Variants in P2RY6 observed in about 807,000 individuals in gnomAD.
P2RY6 encodes the protein P2Y purinoceptor 6.
P2RY6 carries 19 observed loss-of-function variants against 16.3 expected under a neutral mutation model. That is an observed-to-expected ratio of 1.16 (90% CI 0.81 to 1.71). The LOEUF (loss-of-function observed/expected upper bound fraction) is 1.71. Among genes scored for constraint, P2RY6 ranks in the 40% most tolerant of loss-of-function variants. The pLI is 0.00. For missense variants in P2RY6, 389 were observed against 455.5 expected (o/e 0.85, Z 1.33); for synonymous variants, 184 against 201.5 (o/e 0.91, Z 0.74).
At position 73,296,827 on chromosome 11, in the gene P2RY6, C is replaced by T. The variant is rs767380332; in HGVS notation, c.309C>T (p.Arg103=). 2 of 1,610,470 alleles carry T rather than the reference C, an allele frequency of 1.2e-6. No homozygotes were observed. The highest frequency in any genetic ancestry group is 8.5e-7 in the Non-Finnish European group (1 of 1,180,034). The part of the protein sequence containing the change: ...PFGDFACRLV[R]FLFYANLHGS... ...GCGACTTCGCCTGCCGCCTGGTCCG[C>T]TTCCTCTTCTATGCCAACCTGCACG... Residue 103 remains arginine, a synonymous_variant, in exon 3 of 3, where the codon CGC becomes CGT. Transcript: ENST00000540124.
intron 1 of P2RY6, among the ~76,000 whole-genome samples, chr11:73,284,564 G>A (rs906152872): frequency 1.3e-5 from 2 of 152,218 alleles, no homozygotes; most frequent in Non-Finnish European, 2.9e-5. Context: ...CCAGGCAGAA[G>A]CAGCCCCAGG....
At chr11:73,289,765 C>CAAG (rs1406893215) in intron 1 of P2RY6, among the ~76,000 whole-genome samples, 1 of 152,186 alleles carries the variant, frequency 6.6e-6, no homozygotes, top group Admixed American at 6.5e-5. Context: ...GCCTTAGGGT[C>CAAG]AAGAAGAACA....
chr11:73,285,249 T>G (rs746495536), intron 1 of P2RY6, among the ~76,000 whole-genome samples: 1 of 152,164 alleles, frequency 6.6e-6, no homozygotes, highest in East Asian at 1.9e-4. Context: ...TTTTAAACAT[T>G]TTTTGGTAGA....
intron 1 of P2RY6, among the ~76,000 whole-genome samples, chr11:73,282,585 G>C (rs932691132): frequency 6.6e-5 from 10 of 152,152 alleles, no homozygotes; most frequent in Non-Finnish European, 1.3e-4. Flanking sequence ...ACCTCCTCCA[G>C]GGAGCCTTGC....
chr11:73,267,383 G>A (rs1428512939), upstream of P2RY6, among the ~76,000 whole-genome samples: 2 of 152,178 alleles, frequency 1.3e-5, no homozygotes, highest in South Asian at 2.1e-4. Context: ...GAGTTGCTGG[G>A]AGTACCTCAC....
chr11:73,271,264 A>C (rs1374003135), upstream of P2RY6, among the ~76,000 whole-genome samples: 3 of 152,298 alleles, frequency 2.0e-5, no homozygotes, highest in South Asian at 2.1e-4. Flanking sequence ...GCCTGGGGTC[A>C]GCCTTTCCCC....
At chr11:73,296,255 T>A (rs939404401) in intron 2 of P2RY6, among the ~76,000 whole-genome samples, 23 of 146,146 alleles carry the variant, frequency 1.6e-4, no homozygotes, top group Non-Finnish European at 3.0e-4. Flanking sequence ...TATATATATA[T>A]ATAATATATA....
intron 1 of P2RY6, among the ~76,000 whole-genome samples, chr11:73,266,538 G>A (rs1863109840): frequency 6.6e-6 from 1 of 152,184 alleles, no homozygotes; most frequent in African/African-American, 2.4e-5. Flanking sequence ...GCATTGAGCT[G>A]CAAGCAGAAG....
At chr11:73,290,883 T>A (rs1864216390) in intron 1 of P2RY6, among the ~76,000 whole-genome samples, 1 of 152,210 alleles carries the variant, frequency 6.6e-6, no homozygotes, top group Admixed American at 6.5e-5. Context: ...GATTCAGTCA[T>A]CCTTAGATTC....
chr11:73,284,494 C>A (rs61896578), intron 1 of P2RY6, among the ~76,000 whole-genome samples: 4 of 152,146 alleles, frequency 2.6e-5, no homozygotes, highest in Non-Finnish European at 5.9e-5. Flanking sequence ...CCCTGCCAGG[C>A]GAAGTTCTAT....
chr11:73,295,616 T>G (rs1864440862), intron 1 of P2RY6, 114 bp from the exon 2 acceptor site: 1 of 191,272 alleles, frequency 5.2e-6, no homozygotes, highest in Non-Finnish European at 9.6e-6. Context: ...CTGTTTTCAC[T>G]CTGGGCACTA....
At chr11:73,273,556 C>CT (rs1863408471) in intron 1 of P2RY6, among the ~76,000 whole-genome samples, 1 of 152,084 alleles carries the variant, frequency 6.6e-6, no homozygotes, top group East Asian at 1.9e-4. Flanking sequence ...TTCTTACAAT[C>CT]TTTTTTTGCA....
At chr11:73,295,511 A>C (rs1288000137) in intron 1 of P2RY6, among the ~76,000 whole-genome samples, 1 of 152,192 alleles carries the variant, frequency 6.6e-6, no homozygotes, top group Non-Finnish European at 1.5e-5. Context: ...GTCACGAAGA[A>C]AGAAGGAGCA....
At chr11:73,292,060 G>A (rs1334947794) in intron 1 of P2RY6, among the ~76,000 whole-genome samples, 1 of 152,232 alleles carries the variant, frequency 6.6e-6, no homozygotes, top group Non-Finnish European at 1.5e-5. Flanking sequence ...CCCCTGCTCT[G>A]GTCTCCTAAC....
intron 1 of P2RY6, among the ~76,000 whole-genome samples, chr11:73,283,057 A>C (rs528211071): frequency 2.6e-5 from 4 of 152,334 alleles, no homozygotes; most frequent in African/African-American, 9.6e-5. Flanking sequence ...GTTGGGTGCC[A>C]AGCTTTGCAG....
chr11:73,272,869 T>C (rs983107438), intron 1 of P2RY6, among the ~76,000 whole-genome samples: 1 of 152,164 alleles, frequency 6.6e-6, no homozygotes, highest in Non-Finnish European at 1.5e-5. Context: ...GGTCTCTCCC[T>C]GCGTATGTGA....
At chr11:73,295,299 T>A (rs1488619177) in intron 1 of P2RY6, among the ~76,000 whole-genome samples, 8 of 152,300 alleles carry the variant, frequency 5.3e-5, no homozygotes, top group African/African-American at 1.9e-4. Flanking sequence ...CACTACTGAA[T>A]GTCATCACCG....
chr11:73,295,660 C>G, intron 1 of P2RY6, 70 bp from the exon 2 acceptor site: 1 of 543,676 alleles, frequency 1.8e-6, no homozygotes, highest in African/African-American at 2.0e-5. Flanking sequence ...TCTGCCAAAC[C>G]TGCCTTTGTA....
chr11:73,291,619 G>A (rs1409225147), intron 1 of P2RY6, among the ~76,000 whole-genome samples: 1 of 152,228 alleles, frequency 6.6e-6, no homozygotes, highest in Admixed American at 6.5e-5. Flanking sequence ...CAAACTTTGG[G>A]TTCCCACTCT....
Sources: allele counts gnomAD v4.1 joint callset (sites outside exome capture counted in the v4.1 genomes callset), GRCh38; gene constraint gnomAD v4.1.1; transcripts MANE v1.5; gene names NCBI Gene and HGNC (gene_info 2026-07-23, HGNC 2026-07-21).